The following CDH18 variants were observed in gnomAD, a reference collection of about 807,000 sequenced individuals.
CDH18 encodes the protein cadherin-18.
CDH18 carries 31 observed loss-of-function variants against 67.9 expected under a neutral mutation model. The observed-to-expected ratio is 0.46, with a 90% CI of 0.34 to 0.62. The LOEUF is 0.62. Ranked by LOEUF, CDH18 falls within the 20% of genes least tolerant of loss-of-function variation. The pLI is 0.01. For synonymous variants in CDH18, 362 were observed against 347.2 expected (o/e 1.04, Z -0.48); for missense variants, 890 against 975.5 (o/e 0.91, Z 1.17).
intron 2 of CDH18, among the ~76,000 whole-genome samples, chr5:19,920,608 G>T (rs1044663844): frequency 6.8e-6 from 1 of 147,678 alleles, no homozygotes; most frequent in Non-Finnish European, 1.5e-5. Context: ...CTGCCTCCTG[G>T]TTTCAAACGA....
At chr5:20,476,255 A>G (rs754142656) in intron 1 of CDH18, among the ~76,000 whole-genome samples, 1 of 152,016 alleles carries the variant, frequency 6.6e-6, no homozygotes, top group Non-Finnish European at 1.5e-5. Flanking sequence ...ACTAATCTAC[A>G]GTTTTGCTGA....
intron 2 of CDH18, among the ~76,000 whole-genome samples, chr5:19,962,906 A>G (rs2150310512): frequency 6.6e-6 from 1 of 152,276 alleles, no homozygotes; most frequent in Non-Finnish European, 1.5e-5. Context: ...CCAAGGCAGG[A>G]AAGACATTAT....
intron 1 of CDH18, among the ~76,000 whole-genome samples, chr5:20,388,527 A>T (rs977280163): frequency 6.6e-6 from 1 of 151,958 alleles, no homozygotes; most frequent in South Asian, 2.1e-4. Context: ...CAGCTCCTAG[A>T]TTCCTTGATT....
intron 1 of CDH18, among the ~76,000 whole-genome samples, chr5:20,502,992 C>T (rs1361209710): frequency 1.6e-5 from 2 of 125,962 alleles, no homozygotes; most frequent in South Asian, 2.5e-4. Flanking sequence ...TCAATGCTAG[C>T]CTGAACTTAG....
intron 1 of CDH18, among the ~76,000 whole-genome samples, chr5:20,260,927 G>A (rs1744604073): frequency 6.6e-6 from 1 of 152,118 alleles, no homozygotes; most frequent in Non-Finnish European, 1.5e-5. Flanking sequence ...GCCTCAGGTG[G>A]GATCATAGTC....
At chr5:20,488,612 T>C (rs1479152961) in intron 1 of CDH18, among the ~76,000 whole-genome samples, 1 of 151,066 alleles carries the variant, frequency 6.6e-6, no homozygotes, top group Non-Finnish European at 1.5e-5. Flanking sequence ...GTAGTGGTCG[T>C]TGCCTTGGTA....
intron 2 of CDH18, among the ~76,000 whole-genome samples, chr5:20,227,585 G>C (rs1741732701): frequency 6.6e-6 from 1 of 151,936 alleles, no homozygotes; most frequent in African/African-American, 2.4e-5. Flanking sequence ...AGCAATTTTT[G>C]TCTTCTTTTC....
At chr5:20,518,835 T>G (rs1755539447) in intron 1 of CDH18, among the ~76,000 whole-genome samples, 1 of 152,158 alleles carries the variant, frequency 6.6e-6, no homozygotes, top group Non-Finnish European at 1.5e-5. Flanking sequence ...CACAATTCAT[T>G]TATCAGGATT....
At chr5:20,550,276 A>G (rs1757561985) in intron 1 of CDH18, among the ~76,000 whole-genome samples, 1 of 152,206 alleles carries the variant, frequency 6.6e-6, no homozygotes, top group South Asian at 2.1e-4. Flanking sequence ...GCATGCTAAT[A>G]TTATAATGAA....
rs1223219954 is a variant in CDH18 at position 20,032,203 on chromosome 5, T to G, written c.-517-40189A>C. ...TAAACTCATTATATATGTATGCATGTGTATGTGTATTATATATGTACATAT... is the reference window on the plus strand; with the variant it reads ...TAAACTCATTATATATGTATGCATGGGTATGTGTATTATATATGTACATAT... On this transcript the variant is annotated intron_variant, in intron 2 of 14. Coordinates refer to the CDH18 transcript ENST00000507958. Among the ~76,000 whole-genome samples the G allele has an allele frequency of 2.0e-5, 3 of 151,544 alleles. No homozygotes were observed. The East Asian group carries it at 5.8e-4, about 29-fold the overall frequency.
chr5:19,888,906 G>A (rs1347454564), intron 2 of CDH18, among the ~76,000 whole-genome samples: 1 of 152,100 alleles, frequency 6.6e-6, no homozygotes, highest in Non-Finnish European at 1.5e-5. Context: ...TAAAGGAAAT[G>A]CTGTTTTATA....
intron 2 of CDH18, among the ~76,000 whole-genome samples, chr5:20,005,795 T>C (rs954085077): frequency 6.6e-6 from 1 of 152,010 alleles, no homozygotes; most frequent in Non-Finnish European, 1.5e-5. Flanking sequence ...TAATTTTGGA[T>C]CTTCTTAGAC....
At chr5:19,626,357 G>A (rs977354381) in intron 5 of CDH18, among the ~76,000 whole-genome samples, 1 of 152,188 alleles carries the variant, frequency 6.6e-6, no homozygotes, top group African/African-American at 2.4e-5. Context: ...ACAGATGTGC[G>A]AAAGAACACA....
At chr5:20,531,202 C>T (rs1454587707) in intron 1 of CDH18, among the ~76,000 whole-genome samples, 1 of 152,044 alleles carries the variant, frequency 6.6e-6, no homozygotes, top group Non-Finnish European at 1.5e-5. Flanking sequence ...CCATCTCACA[C>T]TAGTCAGAAT....
At chr5:20,330,078 T>C (rs1170482242) in intron 1 of CDH18, among the ~76,000 whole-genome samples, 5 of 152,116 alleles carry the variant, frequency 3.3e-5, no homozygotes, top group Non-Finnish European at 5.9e-5. Flanking sequence ...GTAAAAAATA[T>C]ATGTTTTATC....
chr5:19,473,744 A>T lies in CDH18; in HGVS notation c.1883-28T>A, dbSNP rs200223914. 1.2e-5 allele frequency: 19 copies of T among 1,527,338 alleles called. No homozygotes were observed. The East Asian group carries it at 4.3e-4, about 35-fold the overall frequency. 94.6% of individuals were successfully genotyped at this position (1,527,338 alleles called of 1,614,324 possible). ...GAGGAAGAATGGAAAAAGGATGAAG[A>T]ATTAAGAAAACAGGAAGGAAATTCT... is the stretch of plus-strand genomic sequence containing the variant. On this transcript the variant is annotated intron_variant, in intron 12 of 12. Coordinates refer to ENST00000382275, the MANE Select transcript of CDH18 (RefSeq NM_004934.5).
intron 1 of CDH18, among the ~76,000 whole-genome samples, chr5:20,376,205 T>C (rs1425314379): frequency 3.4e-5 from 5 of 148,670 alleles, no homozygotes; most frequent in Non-Finnish European, 7.4e-5. Flanking sequence ...GCCATTTTCC[T>C]GCCTCAGCCT....
chr5:19,764,161 G>A (rs1772759180), intron 3 of CDH18, among the ~76,000 whole-genome samples: 1 of 146,990 alleles, frequency 6.8e-6, no homozygotes, highest in African/African-American at 2.5e-5. Context: ...GGGCAACAGA[G>A]CGAGACTCTG....
chr5:20,397,735 A>G (rs1305135638), intron 1 of CDH18, among the ~76,000 whole-genome samples: 1 of 152,162 alleles, frequency 6.6e-6, no homozygotes, highest in Non-Finnish European at 1.5e-5. Flanking sequence ...TTTTATTTTA[A>G]TTATATCCTA....
Sources: gnomAD v4.1 joint callset for allele counts (sites outside exome capture counted in the v4.1 genomes callset) on GRCh38, gnomAD v4.1.1 for gene constraint, MANE v1.5 for transcripts, NCBI Gene and HGNC (gene_info 2026-07-23, HGNC 2026-07-21) for gene names.